The following TRIM33 variants were observed in gnomAD, a reference collection of about 807,000 sequenced individuals.
TRIM33 encodes the protein tripartite motif containing 33.
In TRIM33, 20 loss-of-function variants were observed where a neutral mutation model predicts 125.4. The ratio of observed to expected loss-of-function variants is 0.16; its 90% CI spans 0.11 to 0.23. TRIM33 has a LOEUF of 0.23. Among genes scored for constraint, TRIM33 ranks in the 10% least tolerant of loss-of-function variants. The pLI is 1.00. For missense variants in TRIM33, 920 were observed against 1,411.4 expected, an observed-to-expected ratio of 0.65 and a Z score of 5.58; for synonymous variants, 564 against 513.9, an observed-to-expected ratio of 1.10 and a Z score of -1.32.
intron 14 of TRIM33, 109 bp downstream of exon 14, chr1:114,406,832 T>C: frequency 8.9e-7 from 1 of 1,118,556 alleles, no homozygotes; most frequent in South Asian, 2.0e-5. Flanking sequence ...GCATGAAATT[T>C]CAAAAATAAA....
At chr1:114,407,651 C>T (rs763706170) in intron 13 of TRIM33, among the ~76,000 whole-genome samples, 15 of 152,192 alleles carry the variant, frequency 9.9e-5, no homozygotes, top group African/African-American at 3.4e-4. Flanking sequence ...AAAGCTTTGA[C>T]AGGACAAAGA....
chr1:114,461,112 G>A (rs1411979399), intron 4 of TRIM33, among the ~76,000 whole-genome samples: 1 of 151,622 alleles, frequency 6.6e-6, no homozygotes, highest in African/African-American at 2.4e-5. Context: ...TTGGGAGGCT[G>A]AGGAGGGAGG....
At chr1:114,445,303 T>C (rs566104521) in intron 4 of TRIM33, among the ~76,000 whole-genome samples, 36 of 152,280 alleles carry the variant, frequency 2.4e-4, no homozygotes, top group African/African-American at 8.4e-4. Context: ...AGTGGCATGA[T>C]CACAGCTCAC....
chr1:114,485,060 A>C (rs1651590663), intron 1 of TRIM33, among the ~76,000 whole-genome samples: 1 of 152,036 alleles, frequency 6.6e-6, no homozygotes, highest in Admixed American at 6.6e-5. Context: ...TTTTAAAAAA[A>C]AAAAAAGTAC....
At chr1:114,439,142 T>C (rs993486485) in intron 4 of TRIM33, among the ~76,000 whole-genome samples, 1 of 152,190 alleles carries the variant, frequency 6.6e-6, no homozygotes, top group Non-Finnish European at 1.5e-5. Context: ...TCACTTTCTA[T>C]TGCTGTCTTC....
chr1:114,463,263 T>C, intron 3 of TRIM33, 27 bp from the exon 4 acceptor site: 2 of 1,572,478 alleles, frequency 1.3e-6, no homozygotes, highest in Non-Finnish European at 1.7e-6. Flanking sequence ...CAAATATTTT[T>C]TAACCAAACA....
chr1:114,470,874 C>A (rs1304011813), intron 1 of TRIM33, among the ~76,000 whole-genome samples: 1 of 152,180 alleles, frequency 6.6e-6, no homozygotes, highest in African/African-American at 2.4e-5. Flanking sequence ...GAACACTGCT[C>A]GCTGAAGCTT....
chr1:114,408,629 G>A, intron 13 of TRIM33, 48 bp downstream of exon 13: 1 of 1,187,624 alleles, frequency 8.4e-7, no homozygotes, highest in Non-Finnish European at 1.2e-6. Context: ...ATACATATTT[G>A]CTATTTTTCT....
chr1:114,466,749 T>G (rs1299620113), intron 1 of TRIM33, among the ~76,000 whole-genome samples: 1 of 152,176 alleles, frequency 6.6e-6, no homozygotes, highest in African/African-American at 2.4e-5. Flanking sequence ...CTTTTCTCTT[T>G]GCTGATTTTA....
intron 11 of TRIM33, among the ~76,000 whole-genome samples, chr1:114,412,110 C>T (rs1652630633): frequency 6.6e-6 from 1 of 152,064 alleles, no homozygotes; most frequent in Non-Finnish European, 1.5e-5. Flanking sequence ...CATTTTAATC[C>T]ATCACTGGAA....
intron 11 of TRIM33, chr1:114,420,395 G>A (rs1054864582): frequency 2.3e-5 from 31 of 1,334,330 alleles, no homozygotes; most frequent in Non-Finnish European, 2.8e-5. Context: ...TTTGGTCCTG[G>A]GTCTTCTCTC....
chr1:114,473,290 A>G (rs1414381705), intron 1 of TRIM33, among the ~76,000 whole-genome samples: 2 of 151,170 alleles, frequency 1.3e-5, no homozygotes, highest in Admixed American at 6.6e-5. Context: ...TTTTTTCCTC[A>G]GCAAGGCAAT....
chr1:114,478,368 G>C (rs1353223437), intron 1 of TRIM33, among the ~76,000 whole-genome samples: 1 of 152,172 alleles, frequency 6.6e-6, no homozygotes, highest in Non-Finnish European at 1.5e-5. Flanking sequence ...TGTCTGGAAA[G>C]AACAGGTTTT....
rs894594286 is a variant in TRIM33, at chr1:114,465,823, C to T, written c.527-1435G>A. Reference sequence around the variant, plus strand: ...TTGGGAGGCCGAGGCGGGCGGATCACGAGGTCAGGAGATGGAGACTATCCT... The same window carrying T: ...TTGGGAGGCCGAGGCGGGCGGATCATGAGGTCAGGAGATGGAGACTATCCT... On this transcript the variant is annotated intron_variant, in intron 1 of 19. Transcript: ENST00000358465. Among the ~76,000 whole-genome samples the T allele has an allele frequency of 5.9e-5, 9 of 151,832 alleles. No homozygotes were observed. The South Asian group carries it at 6.2e-4, about 10-fold the overall frequency.
chr1:114,412,884 A>G (rs549226523), intron 11 of TRIM33, among the ~76,000 whole-genome samples: 2 of 152,338 alleles, frequency 1.3e-5, no homozygotes, highest in East Asian at 3.9e-4. Context: ...GAATGGCTGA[A>G]TCATTATGAC....
At chr1:114,416,183 T>C (rs928669638) in intron 11 of TRIM33, among the ~76,000 whole-genome samples, 1 of 152,300 alleles carries the variant, frequency 6.6e-6, no homozygotes, top group South Asian at 2.1e-4. Context: ...TATTGAAGAC[T>C]TGGCCTTGAA....
At chr1:114,438,095 G>C (rs1487990584) in intron 4 of TRIM33, among the ~76,000 whole-genome samples, 1 of 152,128 alleles carries the variant, frequency 6.6e-6, no homozygotes, top group African/African-American at 2.4e-5. Flanking sequence ...TTAAAAGGCT[G>C]AGAATCACTT....
At chr1:114,481,065 G>A (rs902124283) in intron 1 of TRIM33, among the ~76,000 whole-genome samples, 7 of 151,664 alleles carry the variant, frequency 4.6e-5, no homozygotes, top group Non-Finnish European at 8.8e-5. Flanking sequence ...CCAGCTACTC[G>A]GGAGGCTGAG....
intron 1 of TRIM33, among the ~76,000 whole-genome samples, chr1:114,474,774 C>T (rs983324591): frequency 6.6e-6 from 1 of 151,516 alleles, no homozygotes; most frequent in African/African-American, 2.4e-5. Flanking sequence ...TGCCTGTAAT[C>T]CCAGCTACTC....
Sources: allele counts gnomAD v4.1 joint callset (sites outside exome capture counted in the v4.1 genomes callset), GRCh38; gene constraint gnomAD v4.1.1; transcripts MANE v1.5; gene names NCBI Gene and HGNC (gene_info 2026-07-23, HGNC 2026-07-21).